MRRF: variants seen among roughly 807,000 people sequenced by gnomAD.
MRRF encodes mitochondrial ribosome recycling factor.
MRRF carries 18 observed loss-of-function variants against 25.1 expected under a neutral mutation model. The ratio of observed to expected loss-of-function variants is 0.72; its 90% CI spans 0.50 to 1.06. MRRF has a LOEUF of 1.06. Among genes scored for constraint, MRRF ranks in the 50% least tolerant of loss-of-function variants. The pLI, the probability that MRRF is intolerant of heterozygous loss-of-function variation, is 0.00. For missense variants in MRRF, 323 were observed against 319.3 expected (o/e 1.01, Z -0.09); for synonymous variants, 113 against 112.1 (o/e 1.01, Z -0.05).
chr9:122,289,014 C>G (rs2118776437), intron 4 of MRRF, among the ~76,000 whole-genome samples: 1 of 152,262 alleles, frequency 6.6e-6, no homozygotes, highest in Admixed American at 6.5e-5. Flanking sequence ...GATGGAAAGT[C>G]TATAGGAATG....
intron 6 of MRRF, among the ~76,000 whole-genome samples, chr9:122,315,163 A>G (rs1243917827): frequency 6.6e-6 from 1 of 151,960 alleles, no homozygotes; most frequent in East Asian, 1.9e-4. Flanking sequence ...AGGAATGTAT[A>G]TTTTTATTTT....
chr9:122,294,305 C>T (rs1245650482), intron 5 of MRRF, among the ~76,000 whole-genome samples: 1 of 152,218 alleles, frequency 6.6e-6, no homozygotes, highest in Admixed American at 6.5e-5. Flanking sequence ...ATCTGGTTGA[C>T]ATAACATGCA....
In MRRF at chr9:122,285,631, G is replaced by A. The variant is rs946728022; in HGVS notation, c.459+344G>A. ...AGTGGAATGCCTCTGCCCAGCTCCT[G>A]CTGATCATTGCCAGGCACAATGTAG... is the stretch of plus-strand genomic sequence containing the variant. On this transcript the variant is annotated intron_variant, in intron 4 of 6. Coordinates refer to ENST00000344641, the MANE Select transcript of MRRF (RefSeq NM_138777.5). 6 of 592,954 alleles carry A rather than the reference G, an allele frequency of 1.0e-5. No homozygotes were observed. The African/African-American group carries it at 1.2e-4, about 12-fold the overall frequency. 36.7% of individuals were successfully genotyped at this position (592,954 alleles called of 1,614,324 possible). A position where few individuals can be genotyped will look rare whatever the true frequency, so the allele number is the denominator to read the frequency against.
chr9:122,278,822 T>C (rs1177516798), intron 2 of MRRF, among the ~76,000 whole-genome samples: 1 of 152,194 alleles, frequency 6.6e-6, no homozygotes, highest in Non-Finnish European at 1.5e-5. Flanking sequence ...ACAACATGTC[T>C]AGGTGTGAAT....
At chr9:122,266,562 A>G (rs889019971) in intron 1 of MRRF, among the ~76,000 whole-genome samples, 2 of 152,222 alleles carry the variant, frequency 1.3e-5, no homozygotes, top group African/African-American at 4.8e-5. Context: ...AGAACCAGTT[A>G]AGATGGTACA....
intron 6 of MRRF, among the ~76,000 whole-genome samples, chr9:122,321,849 G>T (rs1480392703): frequency 6.6e-6 from 1 of 151,726 alleles, no homozygotes; most frequent in African/African-American, 2.4e-5. Flanking sequence ...AATTCTAGAG[G>T]CTCATTAAGG....
At position 122,313,400 on chromosome 9, in the gene MRRF, C is replaced by T. The variant is rs372861942; in HGVS notation, c.711+14C>T. The T allele has an allele frequency of 6.8e-6, 11 of 1,612,920 alleles. No homozygotes were observed. The African/African-American group carries it at 1.5e-4, about 22-fold the overall frequency. ...ATAGAGAAACAGGTACTATTGCCAG[C>T]AATGTAGTAGTGTCTGTGTATTCAG... On this transcript the variant is annotated intron_variant, in intron 6 of 6. Coordinates refer to ENST00000344641, the MANE Select transcript of MRRF (RefSeq NM_138777.5).
At chr9:122,311,058 TCTC>T (rs754717736) in intron 5 of MRRF, among the ~76,000 whole-genome samples, 1 of 152,228 alleles carries the variant, frequency 6.6e-6, no homozygotes, top group Non-Finnish European at 1.5e-5. Context: ...TGTGTCTGCT[TCTC>T]CTAATCCTCC....
chr9:122,304,099 A>C (rs537246423), intron 5 of MRRF, among the ~76,000 whole-genome samples: 74 of 147,456 alleles, frequency 5.0e-4, no homozygotes, highest in African/African-American at 7.5e-4. Flanking sequence ...ACACACACAC[A>C]CCCTTTAGGG....
At chr9:122,279,140 G>T (rs573453271) in intron 2 of MRRF, among the ~76,000 whole-genome samples, 1 of 152,184 alleles carries the variant, frequency 6.6e-6, no homozygotes, top group East Asian at 1.9e-4. Flanking sequence ...CAAAGTGCTG[G>T]GATTATAGGC....
At chr9:122,305,870 A>C (rs1217540784) in intron 5 of MRRF, among the ~76,000 whole-genome samples, 5 of 152,344 alleles carry the variant, frequency 3.3e-5, no homozygotes, top group Non-Finnish European at 4.4e-5. Context: ...AACAGAGCCT[A>C]GCATGTAGTA....
At chr9:122,304,078 C>T (rs1217337629) in intron 5 of MRRF, among the ~76,000 whole-genome samples, 1 of 151,762 alleles carries the variant, frequency 6.6e-6, no homozygotes, top group Non-Finnish European at 1.5e-5. Context: ...CACACACACA[C>T]ACACACACAC....
At chr9:122,296,490 A>T (rs1332425649) in intron 5 of MRRF, among the ~76,000 whole-genome samples, 2 of 152,232 alleles carry the variant, frequency 1.3e-5, no homozygotes, top group East Asian at 3.9e-4. Flanking sequence ...TTTTAGGCTC[A>T]TTTGACTGAT....
intron 6 of MRRF, among the ~76,000 whole-genome samples, chr9:122,315,586 C>T (rs927914523): frequency 6.6e-6 from 1 of 152,204 alleles, no homozygotes; most frequent in African/African-American, 2.4e-5. Flanking sequence ...CTCTGCCCTC[C>T]TCCTTCCCTG....
chr9:122,329,651 G>C lies in MRRF; in HGVS notation c.*7034G>C, dbSNP rs1370962401. The C allele has an allele frequency of 6.6e-6, 1 of 152,312 alleles. No homozygotes were observed. Among genetic ancestry groups the C allele is most frequent in the Non-Finnish European group, 1.5e-5 (1 of 68,158 alleles). The allele number at this position is 152,312 out of a possible 1,614,324, so 9.4% of individuals were successfully genotyped here. On this transcript the variant is annotated 3_prime_UTR_variant, in exon 7 of 7. Coordinates refer to ENST00000344641, the MANE Select transcript of MRRF (RefSeq NM_138777.5). The stretch of plus-strand genomic sequence containing the variant: ...CTCCCCTCATCCAATAAGTCACCAA[G>C]TCCTGTCAATTCTCCCTTCAACAGA...
At position 122,303,864 on chromosome 9, in the gene MRRF, C is replaced by T. The variant is rs181628819; in HGVS notation, c.552-9363C>T. On this transcript the variant is annotated intron_variant, in intron 5 of 6. Transcript: ENST00000344641. Reference sequence around the variant, plus strand: ...TAATCACATTTGCTCCTTGGGCTGCCGACGTGAAACCTACTTCCTTTCAGT... The same window carrying T: ...TAATCACATTTGCTCCTTGGGCTGCTGACGTGAAACCTACTTCCTTTCAGT... Among the ~76,000 whole-genome samples, 21 of 152,232 alleles carry T rather than the reference C, an allele frequency of 1.4e-4. No homozygotes were observed. In the East Asian group the frequency reaches 3.1e-3, roughly 22 times the overall value.
chr9:122,294,891 A>G (rs1053575501), intron 5 of MRRF, among the ~76,000 whole-genome samples: 3 of 152,256 alleles, frequency 2.0e-5, no homozygotes, highest in Non-Finnish European at 4.4e-5. Flanking sequence ...AATTTTCTAC[A>G]TATTATATAA....
rs143019379 is a variant in MRRF at position 122,278,982 on chromosome 9, C to T, written c.185-1461C>T. Among the ~76,000 whole-genome samples, 793 of 152,268 alleles carry T rather than the reference C, an allele frequency of 5.2e-3. 7 individuals are homozygous for T. Among genetic ancestry groups the T allele is most frequent in the African/African-American group, 0.019 (776 of 41,542 alleles). ...CCACCTCCCGGGTTCAAGCGATTCT[C>T]CTGCCCCAGCCTCCCGAGTAGCCGG... On this transcript the variant is annotated intron_variant, in intron 2 of 6. Coordinates refer to ENST00000344641, the MANE Select transcript of MRRF (RefSeq NM_138777.5).
rs189541363 is a variant in MRRF at position 122,326,792 on chromosome 9, A to C, written c.*4175A>C. 2.3e-3 allele frequency: 354 copies of C among 152,302 alleles called. No homozygotes were observed. The highest frequency in any genetic ancestry group is 8.3e-3 in the African/African-American group (346 of 41,560). The allele number at this position is 152,302 out of a possible 1,614,324, so 9.4% of individuals were successfully genotyped here. A position where few individuals can be genotyped will look rare whatever the true frequency, so the allele number is the denominator to read the frequency against. ...ACCCTTTACACGTGTTCCCACATTG[A>C]AACTTCTGATGAATCCTTGTTAATG... On this transcript the variant is annotated 3_prime_UTR_variant, in exon 7 of 7. Coordinates refer to ENST00000344641, the MANE Select transcript of MRRF (RefSeq NM_138777.5).
Sources: allele counts gnomAD v4.1 joint callset (sites outside exome capture counted in the v4.1 genomes callset), GRCh38; gene constraint gnomAD v4.1.1; transcripts MANE v1.5; gene names NCBI Gene and HGNC (gene_info 2026-07-23, HGNC 2026-07-21).